Variants in GRIK2 observed in about 807,000 individuals in gnomAD.
The protein encoded by GRIK2 is glutamate receptor ionotropic, kainate 2.
Under a neutral mutation model 100.3 loss-of-function variants are expected in GRIK2, and 32 were observed. The ratio of observed to expected loss-of-function variants is 0.32; its 90% CI spans 0.24 to 0.43. The LOEUF (loss-of-function observed/expected upper bound fraction) is 0.43, where lower values mean the gene tolerates loss of function less well. GRIK2 is among the 20% of genes least tolerant of loss of function. The probability of loss-of-function intolerance (pLI) is 1.00; values close to 1 mark genes in which losing one functional copy is unlikely to be tolerated. For missense variants in GRIK2, 843 were observed against 1,114.9 expected, an observed-to-expected ratio of 0.76 and a Z score of 3.47; for synonymous variants, 417 against 389.4, an observed-to-expected ratio of 1.07 and a Z score of -0.83.
chr6:101,702,007 C>G (rs1772933346), intron 7 of GRIK2, among the ~76,000 whole-genome samples: 1 of 151,854 alleles, frequency 6.6e-6, no homozygotes, highest in Non-Finnish European at 1.5e-5. Flanking sequence ...GAAAACTCAC[C>G]ATCAGGAGGC....
intron 7 of GRIK2, among the ~76,000 whole-genome samples, chr6:101,791,266 C>T (rs546154048): frequency 9.9e-4 from 151 of 152,192 alleles, no homozygotes; most frequent in African/African-American, 3.5e-3. Flanking sequence ...AATGTGTTTG[C>T]TCTTGCTTTT....
At chr6:101,398,063 A>G (rs1272233197) in intron 1 of GRIK2, among the ~76,000 whole-genome samples, 1 of 152,068 alleles carries the variant, frequency 6.6e-6, no homozygotes, top group Non-Finnish European at 1.5e-5. Flanking sequence ...CTACCTAGTG[A>G]CTCTAAATAT....
chr6:101,663,828 C>T (rs1025049579), intron 4 of GRIK2, among the ~76,000 whole-genome samples: 1 of 152,144 alleles, frequency 6.6e-6, no homozygotes, highest in African/African-American at 2.4e-5. Flanking sequence ...GTAGTTCAGG[C>T]GAGGCTGCTT....
chr6:101,759,455 G>A (rs1363092484), intron 7 of GRIK2, among the ~76,000 whole-genome samples: 1 of 152,154 alleles, frequency 6.6e-6, no homozygotes, highest in African/African-American at 2.4e-5. Context: ...AGATTTAGCT[G>A]TGTTTTAATA....
chr6:101,398,997 G>A lies in GRIK2; in HGVS notation c.-281G>A. 2.3e-6 allele frequency: 1 copy of A among 426,712 alleles called. No individual in the cohort carries two copies. 26.4% of individuals were successfully genotyped at this position (426,712 alleles called of 1,614,324 possible). ...TCTGCTTTCACAGGCTCGCGCGGCC[G>A]GACATTGTGGGTGTGCGTGCTGGAT... On this transcript the variant is annotated 5_prime_UTR_variant, in exon 2 of 17. Transcript: ENST00000369134.
intron 7 of GRIK2, among the ~76,000 whole-genome samples, chr6:101,755,101 A>G (rs1777045156): frequency 6.6e-6 from 1 of 152,084 alleles, no homozygotes; most frequent in Non-Finnish European, 1.5e-5. Flanking sequence ...CAAGTCACTT[A>G]AACTCACTGT....
intron 9 of GRIK2, among the ~76,000 whole-genome samples, chr6:101,807,065 G>A (rs764493153): frequency 2.0e-5 from 3 of 151,958 alleles, no homozygotes; most frequent in Non-Finnish European, 2.9e-5. Flanking sequence ...GAATCTTTAT[G>A]GAAATTATGA....
At chr6:101,417,021 G>C (rs959129489) in intron 2 of GRIK2, among the ~76,000 whole-genome samples, 10 of 152,126 alleles carry the variant, frequency 6.6e-5, no homozygotes, top group Admixed American at 2.6e-4. Context: ...CCTAAGACTG[G>C]GTAATTTATA....
intron 7 of GRIK2, among the ~76,000 whole-genome samples, chr6:101,686,628 C>T (rs1771720935): frequency 6.6e-6 from 1 of 151,996 alleles, no homozygotes; most frequent in Non-Finnish European, 1.5e-5. Flanking sequence ...AATTAGTGCC[C>T]TACATGGGAG....
At chr6:102,042,361 A>G (rs1770633770) in intron 15 of GRIK2, among the ~76,000 whole-genome samples, 1 of 151,662 alleles carries the variant, frequency 6.6e-6, no homozygotes, top group South Asian at 2.1e-4. Context: ...AACATAAAAT[A>G]TAAACATAAA....
At chr6:101,781,155 CTA>C (rs1351877702) in intron 7 of GRIK2, among the ~76,000 whole-genome samples, 11 of 152,056 alleles carry the variant, frequency 7.2e-5, no homozygotes, top group African/African-American at 2.2e-4. Context: ...TGTTGGGCCT[CTA>C]TGTAATTCCA....
intron 14 of GRIK2, among the ~76,000 whole-genome samples, chr6:101,940,524 C>T (rs925873240): frequency 2.0e-5 from 3 of 152,076 alleles, no homozygotes; most frequent in Admixed American, 2.0e-4. Context: ...GTCACGTCTA[C>T]CTTTCTCACT....
intron 7 of GRIK2, among the ~76,000 whole-genome samples, chr6:101,739,993 A>T (rs1365664974): frequency 6.6e-6 from 1 of 152,184 alleles, no homozygotes; most frequent in African/African-American, 2.4e-5. Context: ...ATGAAATGCT[A>T]ACATCACAGA....
At chr6:101,728,638 T>C (rs573255830) in intron 7 of GRIK2, among the ~76,000 whole-genome samples, 1 of 152,210 alleles carries the variant, frequency 6.6e-6, no homozygotes, top group South Asian at 2.1e-4. Context: ...CTGGATTATC[T>C]AATTTATAAC....
intron 2 of GRIK2, among the ~76,000 whole-genome samples, chr6:101,457,960 T>C (rs1466523115): frequency 3.3e-5 from 5 of 152,148 alleles, no homozygotes; most frequent in Non-Finnish European, 7.4e-5. Context: ...ATATTATATT[T>C]AGACTTGGAA....
At chr6:101,721,575 C>G (rs1774488931) in intron 7 of GRIK2, among the ~76,000 whole-genome samples, 2 of 151,870 alleles carry the variant, frequency 1.3e-5, no homozygotes, top group Admixed American at 6.6e-5. Flanking sequence ...CACCCTGCAG[C>G]CTGGGCAACA....
chr6:101,995,206 A>G (rs1794589295), intron 14 of GRIK2, among the ~76,000 whole-genome samples: 1 of 151,920 alleles, frequency 6.6e-6, no homozygotes, highest in African/African-American at 2.4e-5. Context: ...TGCTTGATGG[A>G]AACTGAGTCA....
chr6:101,437,698 A>C (rs1459479145), intron 2 of GRIK2, among the ~76,000 whole-genome samples: 2 of 152,128 alleles, frequency 1.3e-5, no homozygotes, highest in Admixed American at 6.6e-5. Flanking sequence ...CAAAGTGACC[A>C]TCTGTCCAGC....
intron 8 of GRIK2, among the ~76,000 whole-genome samples, chr6:101,800,148 T>C (rs1235941402): frequency 6.6e-6 from 1 of 152,058 alleles, no homozygotes; most frequent in Non-Finnish European, 1.5e-5. Flanking sequence ...TTATACCTAA[T>C]TTGTGAGGCT....
Sources: gnomAD v4.1 joint callset for allele counts (sites outside exome capture counted in the v4.1 genomes callset) on GRCh38, gnomAD v4.1.1 for gene constraint, MANE v1.5 for transcripts, NCBI Gene and HGNC (gene_info 2026-07-23, HGNC 2026-07-21) for gene names.